Variants in SMARCA2 observed in about 807,000 individuals in gnomAD.
SMARCA2 encodes the protein SWI/SNF-related matrix-associated actin-dependent regulator of chromatin subfamily A member 2.
A neutral mutation model predicts 199.8 loss-of-function variants in SMARCA2; 61 were observed. The ratio of observed to expected loss-of-function variants is 0.31; its 90% CI spans 0.25 to 0.38. SMARCA2 has a LOEUF of 0.38. SMARCA2 is among the 10% of genes least tolerant of loss of function. The pLI, the probability that SMARCA2 is intolerant of heterozygous loss-of-function variation, is 1.00. For synonymous variants in SMARCA2, 935 were observed against 732.0 expected (o/e 1.28, Z -4.48); for missense variants, 1,344 against 2,012.2 (o/e 0.67, Z 6.35).
At chr9:2,137,114 C>T (rs1824229676) in intron 27 of SMARCA2, among the ~76,000 whole-genome samples, 1 of 152,188 alleles carries the variant, frequency 6.6e-6, no homozygotes, top group African/African-American at 2.4e-5. Context: ...AAAAAATGTA[C>T]AGCACGGCCC....
intron 28 of SMARCA2, among the ~76,000 whole-genome samples, chr9:2,168,868 T>G (rs967248171): frequency 2.6e-5 from 4 of 152,198 alleles, no homozygotes; most frequent in African/African-American, 9.7e-5. Flanking sequence ...CCCACTGAGT[T>G]GTAATCTGCG....
chr9:2,039,292 A>G lies in SMARCA2; in HGVS notation c.356-174A>G, dbSNP rs145539884. 6.3e-4 allele frequency among the ~76,000 whole-genome samples: 96 copies of G among 151,948 alleles called. No homozygotes were observed. Among genetic ancestry groups the G allele is most frequent in the African/African-American group, 2.1e-3 (86 of 41,428 alleles). On this transcript the variant is annotated intron_variant, in intron 3 of 33. Transcript: ENST00000349721. This position sits in a 1 kb window ranked among gnomAD's most constrained non-coding sequence, Gnocchi z 4.8. ...AGAAAATTTTAAATTTTACATATAT[A>G]TAAAGCACATATTGATATGTAAAGA...
chr9:2,164,098 C>T (rs1466237123), intron 28 of SMARCA2, among the ~76,000 whole-genome samples: 1 of 152,138 alleles, frequency 6.6e-6, no homozygotes, highest in Non-Finnish European at 1.5e-5. Flanking sequence ...CAATCCCCGT[C>T]ACTCTGTATC....
chr9:2,083,993 C>G, intron 16 of SMARCA2, 93 bp from the exon 17 acceptor site: 1 of 680,642 alleles, frequency 1.5e-6, no homozygotes, highest in Non-Finnish European at 2.6e-6. Flanking sequence ...ATTCTTCAGT[C>G]ACATGTCTGG....
chr9:2,057,241 T>C lies in SMARCA2; in HGVS notation c.1347+396T>C, dbSNP rs553706875. 5.3e-5 allele frequency among the ~76,000 whole-genome samples: 8 copies of C among 152,324 alleles called. No homozygotes were observed. The East Asian group carries it at 1.2e-3, about 22-fold the overall frequency. ...CTCTGGTGAGGGTCTTCTTCTGGGT[T>C]GCAAACTGTTAACTTCTCCTTGTTT... On this transcript the variant is annotated intron_variant, in intron 7 of 33. Transcript: ENST00000349721.
At chr9:2,083,252 C>G in intron 15 of SMARCA2, 95 bp from the exon 16 acceptor site, 1 of 736,570 alleles carries the variant, frequency 1.4e-6, no homozygotes, top group Non-Finnish European at 2.2e-6. Context: ...TAGCCCCTTT[C>G]AAGGTGAGGC....
intron 27 of SMARCA2, among the ~76,000 whole-genome samples, chr9:2,126,003 C>T (rs1004104437): frequency 3.9e-5 from 6 of 152,186 alleles, no homozygotes; most frequent in Non-Finnish European, 8.8e-5. Context: ...GTTTCTATCC[C>T]TGATGAGTAG....
intron 30 of SMARCA2, 67 bp downstream of exon 30, chr9:2,181,743 G>A: frequency 2.3e-6 from 2 of 878,548 alleles, no homozygotes; most frequent in South Asian, 1.4e-5. Flanking sequence ...TCATTGAAAT[G>A]GTTGTAGTTG....
At chr9:2,083,203 C>T in intron 15 of SMARCA2, 144 bp from the exon 16 acceptor site, 1 of 475,436 alleles carries the variant, frequency 2.1e-6, no homozygotes, top group Non-Finnish European at 3.7e-6. Flanking sequence ...ATTTCCACAC[C>T]TTTAAAATAA....
intron 14 of SMARCA2, 91 bp from the exon 15 acceptor site, chr9:2,081,741 G>A (rs1821575984): frequency 9.1e-7 from 1 of 1,099,404 alleles, no homozygotes; most frequent in Non-Finnish European, 1.3e-6. Context: ...CAGCAGTGAG[G>A]AGTTAAGAAG....
chr9:2,050,673 A>G (rs62534885), intron 5 of SMARCA2, among the ~76,000 whole-genome samples: 1 of 151,734 alleles, frequency 6.6e-6, no homozygotes, highest in African/African-American at 2.4e-5. Flanking sequence ...AATCCTGAAA[A>G]TTCCTTCTCA....
chr9:2,049,527 T>C (rs1323129398), intron 5 of SMARCA2, among the ~76,000 whole-genome samples: 1 of 152,244 alleles, frequency 6.6e-6, no homozygotes, highest in Non-Finnish European at 1.5e-5. Context: ...ATGCCTACTC[T>C]TTTGTAAAGC....
At chr9:2,096,496 G>C (rs1822278995) in intron 19 of SMARCA2, 161 bp from the exon 20 acceptor site, 1 of 574,398 alleles carries the variant, frequency 1.7e-6, no homozygotes, top group African/African-American at 1.9e-5. Flanking sequence ...GATGACTCTG[G>C]TCTCTTCTAA....
intron 27 of SMARCA2, among the ~76,000 whole-genome samples, chr9:2,140,049 T>C (rs546386100): frequency 8.5e-5 from 13 of 152,344 alleles, no homozygotes; most frequent in African/African-American, 2.9e-4. Flanking sequence ...TTTCTCTTAC[T>C]GTCGTAATTT....
chr9:2,158,160 CAAAAAAAAAA>C (rs532618380), intron 27 of SMARCA2: 8 of 87,884 alleles, frequency 9.1e-5, no homozygotes, highest in Non-Finnish European at 1.2e-4. Context: ...GAAAGAGGGC[CAAAAAAAAAA>C]AAAAAAAAAA....
intron 31 of SMARCA2, among the ~76,000 whole-genome samples, chr9:2,182,637 G>A (rs1443141285): frequency 2.0e-5 from 3 of 151,766 alleles, no homozygotes; most frequent in Non-Finnish European, 2.9e-5. Context: ...TGGGATTACA[G>A]GCACCCACCA....
rs182584672 is a variant in SMARCA2, at chr9:2,151,050, A to G, written c.3982-10636A>G. 2.0e-3 allele frequency among the ~76,000 whole-genome samples: 308 copies of G among 151,706 alleles called. 2 individuals carry two copies. The highest frequency in any genetic ancestry group is 0.018 in the Admixed American group (268 of 15,244). On this transcript the variant is annotated intron_variant, in intron 27 of 33. Transcript: ENST00000349721. ...GGGATGCAGTTCAGCCCATAACACTATAGTATAGCAATTCCGAGTCACTGC... is the reference window on the plus strand; with the variant it reads ...GGGATGCAGTTCAGCCCATAACACTGTAGTATAGCAATTCCGAGTCACTGC...
At chr9:2,062,867 C>G (rs1429627726) in intron 9 of SMARCA2, among the ~76,000 whole-genome samples, 1 of 152,088 alleles carries the variant, frequency 6.6e-6, no homozygotes, top group Non-Finnish European at 1.5e-5. Flanking sequence ...GATATTAATC[C>G]AACATGCACC....
intron 19 of SMARCA2, among the ~76,000 whole-genome samples, chr9:2,092,496 G>A (rs551442745): frequency 4.6e-5 from 7 of 152,196 alleles, no homozygotes; most frequent in South Asian, 4.1e-4. Flanking sequence ...GTGATATATC[G>A]CATGTAGTTT....
Sources: gnomAD v4.1 joint callset for allele counts (sites outside exome capture counted in the v4.1 genomes callset) on GRCh38, gnomAD v4.1.1 for gene constraint, Gnocchi (gnomAD v3.1) non-coding constraint, MANE v1.5 for transcripts, NCBI Gene and HGNC (gene_info 2026-07-23, HGNC 2026-07-21) for gene names.